Variants in SORCS1 observed in about 807,000 individuals in gnomAD.
The protein encoded by SORCS1 is VPS10 domain-containing receptor SorCS1.
In SORCS1, 60 loss-of-function variants were observed where a neutral mutation model predicts 146.1. That is an observed-to-expected ratio of 0.41 (90% CI 0.33 to 0.51). The LOEUF (loss-of-function observed/expected upper bound fraction) is 0.51. SORCS1 is among the 20% of genes least tolerant of loss of function. The pLI is 0.21. For synonymous variants in SORCS1, 637 were observed against 584.0 expected, an observed-to-expected ratio of 1.09 and a Z score of -1.31; for missense variants, 1,352 against 1,487.6, an observed-to-expected ratio of 0.91 and a Z score of 1.50.
chr10:106,816,953 TAAATGTCAGCAATGTACTTCC>T (rs768211867), intron 3 of SORCS1, among the ~76,000 whole-genome samples: 6 of 152,152 alleles, frequency 3.9e-5, no homozygotes, highest in Non-Finnish European at 7.3e-5. Flanking sequence ...TGGGAGTCTG[TAAATGTCAGCAATGTACTTCC>T]AAATGGAAGC....
intron 21 of SORCS1, among the ~76,000 whole-genome samples, chr10:106,612,242 G>A (rs1297951789): frequency 6.6e-6 from 1 of 151,950 alleles, no homozygotes; most frequent in Non-Finnish European, 1.5e-5. Context: ...CAAGAAAGAA[G>A]GTAGAAGAAA....
intron 6 of SORCS1, among the ~76,000 whole-genome samples, chr10:106,715,897 C>T (rs1038362367): frequency 2.0e-5 from 3 of 152,070 alleles, no homozygotes; most frequent in Non-Finnish European, 2.9e-5. Flanking sequence ...GGACCACAGG[C>T]GCATGCCACC....
chr10:107,008,562 G>A (rs773748400), intron 1 of SORCS1, among the ~76,000 whole-genome samples: 5 of 152,124 alleles, frequency 3.3e-5, no homozygotes, highest in Non-Finnish European at 7.3e-5. Context: ...TGATGAATAG[G>A]TTGTGTTAAA....
chr10:106,600,722 C>T (rs1048895678), intron 23 of SORCS1: 1 of 985,248 alleles, frequency 1.0e-6, no homozygotes, highest in Non-Finnish European at 1.2e-6. Context: ...GAACATGGAG[C>T]TTAAAGGAAA....
At chr10:106,993,638 G>A (rs11193151) in intron 1 of SORCS1, among the ~76,000 whole-genome samples, 60,958 of 151,838 alleles carry the variant, frequency 0.4, 14,662 homozygotes, top group African/African-American at 0.69. Flanking sequence ...TCATGCCCCA[G>A]TGTTCACAGT....
chr10:106,843,518 G>A (rs538996612), intron 2 of SORCS1, among the ~76,000 whole-genome samples: 13 of 134,526 alleles, frequency 9.7e-5, no homozygotes, highest in African/African-American at 3.1e-4. Context: ...TGCAAGCTCC[G>A]CCCCCCAGGT....
At chr10:106,618,467 C>T (rs998258004) in intron 20 of SORCS1, among the ~76,000 whole-genome samples, 195 bp from the exon 21 acceptor site, 1 of 152,140 alleles carries the variant, frequency 6.6e-6, no homozygotes, top group Admixed American at 6.5e-5. Context: ...AGCAATGACT[C>T]CAAGCAAGTC....
chr10:106,924,381 T>C (rs540864728), intron 2 of SORCS1, among the ~76,000 whole-genome samples: 3 of 152,262 alleles, frequency 2.0e-5, no homozygotes, highest in African/African-American at 7.2e-5. Flanking sequence ...AGATAAATGA[T>C]ATGGTAAAAA....
chr10:106,678,071 A>G (rs1478658885), intron 12 of SORCS1, among the ~76,000 whole-genome samples: 2 of 152,196 alleles, frequency 1.3e-5, no homozygotes, highest in Non-Finnish European at 2.9e-5. Flanking sequence ...AATGGAAACA[A>G]TCTCTAGATC....
chr10:106,813,871 C>T (rs4918259), intron 3 of SORCS1, among the ~76,000 whole-genome samples: 67,512 of 151,698 alleles, frequency 0.45, 15,338 homozygotes, highest in African/African-American at 0.56. Context: ...GAGGATTGCT[C>T]CAGCCCGGGA....
chr10:106,840,966 C>T (rs1434678524), intron 2 of SORCS1, among the ~76,000 whole-genome samples: 1 of 151,238 alleles, frequency 6.6e-6, no homozygotes, highest in African/African-American at 2.4e-5. Flanking sequence ...AGTGATTCCC[C>T]TACCTCAGCC....
intron 6 of SORCS1, among the ~76,000 whole-genome samples, chr10:106,714,135 CAAAAAAAAAAAA>C (rs56275056): frequency 1.1e-4 from 6 of 53,086 alleles, no homozygotes; most frequent in Admixed American, 3.8e-4. Context: ...AACTCTGCCT[CAAAAAAAAAAAA>C]AAAAAAAAAA....
chr10:107,146,920 C>G (rs1417301770), intron 1 of SORCS1, among the ~76,000 whole-genome samples: 1 of 152,138 alleles, frequency 6.6e-6, no homozygotes, highest in East Asian at 1.9e-4. Context: ...CGAATAATAA[C>G]AGTACCTACT....
At chr10:106,972,074 G>T (rs1469907576) in intron 1 of SORCS1, among the ~76,000 whole-genome samples, 1 of 152,028 alleles carries the variant, frequency 6.6e-6, no homozygotes, top group African/African-American at 2.4e-5. Context: ...GATAAAATTA[G>T]AAATCCCCAG....
intron 6 of SORCS1, among the ~76,000 whole-genome samples, chr10:106,729,750 T>G (rs1009532669): frequency 1.3e-5 from 2 of 152,018 alleles, no homozygotes; most frequent in Non-Finnish European, 2.9e-5. Context: ...TTATGAAAAA[T>G]TATTAAGACT....
At chr10:107,140,519 T>C (rs1590223374) in intron 1 of SORCS1, among the ~76,000 whole-genome samples, 1 of 152,328 alleles carries the variant, frequency 6.6e-6, no homozygotes, top group Admixed American at 6.5e-5. Flanking sequence ...ATTCCACGTT[T>C]ACTGTGAATG....
At chr10:107,102,706 G>T (rs910279618) in intron 1 of SORCS1, among the ~76,000 whole-genome samples, 1 of 152,012 alleles carries the variant, frequency 6.6e-6, no homozygotes, top group Non-Finnish European at 1.5e-5. Flanking sequence ...GTGGTTCTTC[G>T]GCTTAACTCA....
At chr10:106,866,162 C>T (rs367789724) in intron 2 of SORCS1, among the ~76,000 whole-genome samples, 1 of 152,124 alleles carries the variant, frequency 6.6e-6, no homozygotes, top group African/African-American at 2.4e-5. Context: ...CCAGGGGTAA[C>T]TGAAAGCCTC....
At chr10:106,770,534 T>C (rs539741206) in intron 4 of SORCS1, among the ~76,000 whole-genome samples, 21 of 148,136 alleles carry the variant, frequency 1.4e-4, no homozygotes, top group African/African-American at 5.0e-4. Flanking sequence ...GAGAGACCCA[T>C]GAACAAAGAA....
Sources: gnomAD v4.1 joint callset for allele counts (sites outside exome capture counted in the v4.1 genomes callset) on GRCh38, gnomAD v4.1.1 for gene constraint, MANE v1.5 for transcripts, NCBI Gene and HGNC (gene_info 2026-07-23, HGNC 2026-07-21) for gene names.